Variants in SAP130 observed in about 807,000 individuals in gnomAD.
SAP130 encodes histone deacetylase complex subunit SAP130.
SAP130 carries 16 observed loss-of-function variants against 103.2 expected under a neutral mutation model. That is an observed-to-expected ratio of 0.16 (90% CI 0.10 to 0.24). The LOEUF (loss-of-function observed/expected upper bound fraction) is 0.24. Ranked by LOEUF, SAP130 falls within the 10% of genes least tolerant of loss-of-function variation. The pLI is 1.00. For synonymous variants in SAP130, 477 were observed against 497.0 expected, an observed-to-expected ratio of 0.96 and a Z score of 0.53; for missense variants, 990 against 1,359.7, an observed-to-expected ratio of 0.73 and a Z score of 4.28.
Position 127,989,283 on chromosome 2 carries a change from T to TAG in SAP130, c.1780+279_1780+280dup, listed in dbSNP as rs376090437. Among the ~76,000 whole-genome samples the TAG allele has an allele frequency of 4.8e-3, 737 of 152,070 alleles. 7 individuals carry two copies. Among genetic ancestry groups the TAG allele is most frequent in the African/African-American group, 0.016 (653 of 41,484 alleles). Reference sequence around the variant, plus strand: ...CTGGCTAATTTTTTTGTATTTTTAGTAGACAGGGTTTTACCACGTTAGCCT... The same window carrying TAG: ...CTGGCTAATTTTTTTGTATTTTTAGTAGAGACAGGGTTTTACCACGTTAGCCT... On this transcript the variant is annotated intron_variant, in intron 13 of 20. Transcript: ENST00000643581. This position sits in a 1 kb window ranked among gnomAD's most constrained non-coding sequence, Gnocchi z 4.6.
intron 7 of SAP130, among the ~76,000 whole-genome samples, chr2:128,004,059 AG>A (rs2105115865): frequency 6.7e-6 from 1 of 148,210 alleles, no homozygotes; most frequent in South Asian, 2.2e-4. Flanking sequence ...CAGAAAATAC[AG>A]GGGTTAAATG....
chr2:127,970,197 C>T (rs949728175), intron 15 of SAP130, among the ~76,000 whole-genome samples: 2 of 143,356 alleles, frequency 1.4e-5, no homozygotes, highest in African/African-American at 5.2e-5. Flanking sequence ...CACTGCACTC[C>T]AGCCTGGGTG....
chr2:127,978,127 C>A (rs1290168331), intron 14 of SAP130, 38 bp from the exon 15 acceptor site: 1 of 1,466,180 alleles, frequency 6.8e-7, no homozygotes, highest in Non-Finnish European at 9.3e-7. Flanking sequence ...GAACAGCAGT[C>A]CAAGGGCATT....
At chr2:128,027,476 C>G in intron 1 of SAP130, 1 of 950,132 alleles carries the variant, frequency 1.1e-6, no homozygotes. Context: ...GAGGCTGAGC[C>G]AATGGCAGAG....
intron 2 of SAP130, among the ~76,000 whole-genome samples, chr2:128,018,770 T>G (rs1218670102): frequency 6.7e-6 from 1 of 150,274 alleles, no homozygotes; most frequent in African/African-American, 2.5e-5. Context: ...GCACTCCAGC[T>G]TGGATGACAC....
chr2:127,948,621 C>T lies in SAP130; in HGVS notation c.2797+1248G>A, dbSNP rs188797211. 3.3e-5 allele frequency among the ~76,000 whole-genome samples: 5 copies of T among 152,114 alleles called. No individual in the cohort carries two copies. The East Asian group carries it at 7.7e-4, about 24-fold the overall frequency. ...CCTCACAAAGTGCTGGGATTACAGG[C>T]GTGAATCACCGCGCCTGGCCTCCTG... On this transcript the variant is annotated intron_variant, in intron 18 of 20. Transcript: ENST00000643581.
intron 15 of SAP130, among the ~76,000 whole-genome samples, chr2:127,956,003 A>G (rs1679812504): frequency 6.6e-6 from 1 of 152,046 alleles, no homozygotes; most frequent in African/African-American, 2.4e-5. Context: ...TCCTTAATAT[A>G]TATGTTGTCT....
chr2:128,016,902 A>T (rs547720021), intron 3 of SAP130, among the ~76,000 whole-genome samples: 1 of 152,328 alleles, frequency 6.6e-6, no homozygotes, highest in Non-Finnish European at 1.5e-5. Flanking sequence ...AGTAACTGAA[A>T]CACAACCCCA....
intron 19 of SAP130, among the ~76,000 whole-genome samples, 166 bp downstream of exon 19, chr2:127,945,290 G>A (rs917662808): frequency 6.6e-6 from 1 of 152,198 alleles, no homozygotes; most frequent in Non-Finnish European, 1.5e-5. Context: ...TTAATCACAT[G>A]TAACTGACAC....
At chr2:127,992,631 T>A (rs1682891041) in intron 12 of SAP130, among the ~76,000 whole-genome samples, 1 of 152,084 alleles carries the variant, frequency 6.6e-6, no homozygotes, top group South Asian at 2.1e-4. Flanking sequence ...GGTTCCACAG[T>A]AAAAGACTAC....
chr2:127,947,754 T>TTGTGTGTGTGAGTGTGTGTGAG (rs1491251653), intron 18 of SAP130, among the ~76,000 whole-genome samples: 1 of 28,640 alleles, frequency 3.5e-5, no homozygotes. Flanking sequence ...TAATTTTGTA[T>TTGTGTGTGTGAGTGTGTGTGAG]TGTGTGTGTC....
chr2:127,978,659 G>A (rs1681646189), intron 14 of SAP130, among the ~76,000 whole-genome samples: 1 of 152,050 alleles, frequency 6.6e-6, no homozygotes, highest in South Asian at 2.1e-4. Context: ...AGTTGAGAGT[G>A]GATCTGAGAG....
chr2:127,961,515 T>C (rs1401843624), intron 15 of SAP130, among the ~76,000 whole-genome samples: 5 of 74,320 alleles, frequency 6.7e-5, no homozygotes, highest in Non-Finnish European at 1.2e-4. Context: ...CCTCATACCT[T>C]GCTTTTTTTT....
intron 5 of SAP130, 127 bp downstream of exon 5, chr2:128,014,676 G>A: frequency 5.9e-6 from 4 of 682,214 alleles, no homozygotes; most frequent in South Asian, 3.7e-5. Context: ...TTTGGTTCAC[G>A]GTTCTGCAGA....
chr2:127,962,492 C>T (rs1418830038), intron 15 of SAP130, among the ~76,000 whole-genome samples: 5 of 152,088 alleles, frequency 3.3e-5, no homozygotes, highest in African/African-American at 9.7e-5. Context: ...TGTCCAAAAA[C>T]GATAGACTGG....
intron 14 of SAP130, 131 bp from the exon 15 acceptor site, chr2:127,978,220 A>G (rs1473964542): frequency 1.6e-6 from 1 of 644,404 alleles, no homozygotes; most frequent in African/African-American, 1.8e-5. Flanking sequence ...TATTTTTAAA[A>G]TGGATTTTCA....
chr2:127,967,196 G>A (rs776805030), intron 15 of SAP130, among the ~76,000 whole-genome samples: 7 of 152,166 alleles, frequency 4.6e-5, no homozygotes, highest in East Asian at 1.9e-4. Context: ...GTGTGACACC[G>A]TGCCTACAAT....
Position 127,953,423 on chromosome 2 carries a change from C to G in SAP130, c.2422+1563G>C, listed in dbSNP as rs1275219552. Among the ~76,000 whole-genome samples, 2 of 152,194 alleles carry G rather than the reference C, an allele frequency of 1.3e-5. No individual in the cohort carries two copies. Among genetic ancestry groups the G allele is most frequent in the Non-Finnish European group, 2.9e-5 (2 of 68,042 alleles). ...CTGTTCCCAGAGTCTGTTCTTTCCC[C>G]AGCAGCCAGAGTGTTTATCTTCAGT... On this transcript the variant is annotated intron_variant, in intron 16 of 20. Transcript: ENST00000643581. The surrounding 1 kb of genome is among the most constrained non-coding windows in gnomAD (Gnocchi z 4.0).
intron 15 of SAP130, among the ~76,000 whole-genome samples, chr2:127,964,281 G>A (rs1680475724): frequency 6.6e-6 from 1 of 151,920 alleles, no homozygotes; most frequent in Non-Finnish European, 1.5e-5. Context: ...ATCACTTGAG[G>A]TCAGGAGTTC....
Sources: allele counts gnomAD v4.1 joint callset (sites outside exome capture counted in the v4.1 genomes callset), GRCh38; gene constraint gnomAD v4.1.1; non-coding constraint Gnocchi (gnomAD v3.1); transcripts MANE v1.5; gene names NCBI Gene and HGNC (gene_info 2026-07-23, HGNC 2026-07-21).